Variants in BCL2L13 observed in about 807,000 individuals in gnomAD.
BCL2L13 encodes BCL2 like 13.
Under a neutral mutation model 25.8 loss-of-function variants are expected in BCL2L13, and 13 were observed. That is an observed-to-expected ratio of 0.50 (90% CI 0.33 to 0.80). The LOEUF (loss-of-function observed/expected upper bound fraction) is 0.80, where lower values mean the gene tolerates loss of function less well. BCL2L13 is among the 30% of genes least tolerant of loss of function. The pLI is 0.02. For synonymous variants in BCL2L13, 244 were observed against 230.3 expected, an observed-to-expected ratio of 1.06 and a Z score of -0.54; for missense variants, 504 against 574.9, an observed-to-expected ratio of 0.88 and a Z score of 1.26.
At chr22:17,725,683 G>C (rs1167420518) in intron 6 of BCL2L13, among the ~76,000 whole-genome samples, 2 of 151,794 alleles carry the variant, frequency 1.3e-5, no homozygotes, top group African/African-American at 4.8e-5. Context: ...CTGCTGTTTT[G>C]CATTAATTAC....
At chr22:17,721,304 A>G (rs2061121856) in intron 6 of BCL2L13, among the ~76,000 whole-genome samples, 2 of 152,206 alleles carry the variant, frequency 1.3e-5, no homozygotes, top group Admixed American at 6.5e-5. Context: ...AGTATCTACT[A>G]ATCTCATGTT....
At chr22:17,663,934 C>T (rs990378355) in intron 2 of BCL2L13, among the ~76,000 whole-genome samples, 3 of 152,038 alleles carry the variant, frequency 2.0e-5, no homozygotes, top group Non-Finnish European at 2.9e-5. Flanking sequence ...CTGCAACCTC[C>T]GCCTCCCGGG....
intron 2 of BCL2L13, among the ~76,000 whole-genome samples, chr22:17,663,843 C>T (rs1430175070): frequency 8.4e-5 from 12 of 143,490 alleles, no homozygotes; most frequent in South Asian, 2.2e-4. Context: ...CTTGCCACCA[C>T]GCCTGGCTAA....
chr22:17,706,712 C>G (rs2060601889), intron 6 of BCL2L13: 1 of 1,351,484 alleles, frequency 7.4e-7, no homozygotes, highest in African/African-American at 1.5e-5. Flanking sequence ...TGCTGTGATT[C>G]TCCCTGAGTC....
chr22:17,717,916 G>A (rs1291602675), intron 6 of BCL2L13, among the ~76,000 whole-genome samples: 2 of 152,104 alleles, frequency 1.3e-5, no homozygotes, highest in Non-Finnish European at 2.9e-5. Context: ...GCAAAACACT[G>A]TCTCTACAAA....
At chr22:17,694,614 A>G (rs1268102374) in intron 4 of BCL2L13, among the ~76,000 whole-genome samples, 1 of 152,024 alleles carries the variant, frequency 6.6e-6, no homozygotes, top group Non-Finnish European at 1.5e-5. Context: ...GCTATTTTAG[A>G]TTGTTTTTTC....
At chr22:17,711,351 G>A (rs970536750) in intron 6 of BCL2L13, among the ~76,000 whole-genome samples, 15 of 137,332 alleles carry the variant, frequency 1.1e-4, no homozygotes, top group African/African-American at 3.3e-4. Flanking sequence ...AGGCTGGAGC[G>A]CAGTGGCACA....
chr22:17,676,630 G>A (rs1484415767), intron 2 of BCL2L13, among the ~76,000 whole-genome samples: 1 of 152,206 alleles, frequency 6.6e-6, no homozygotes, highest in African/African-American at 2.4e-5. Flanking sequence ...CATGGGCCGT[G>A]AATTAATTTC....
intron 1 of BCL2L13, among the ~76,000 whole-genome samples, chr22:17,629,314 C>T (rs913126255): frequency 5.9e-5 from 9 of 152,122 alleles, no homozygotes; most frequent in Non-Finnish European, 2.9e-5. Flanking sequence ...CCTTTTTTAA[C>T]CCCCTTTCCA....
At chr22:17,644,236 T>A (rs530564013) in intron 1 of BCL2L13, among the ~76,000 whole-genome samples, 1 of 151,596 alleles carries the variant, frequency 6.6e-6, no homozygotes, top group East Asian at 1.9e-4. Flanking sequence ...TACAGCTTTT[T>A]GATTTGTGAT....
Position 17,720,940 on chromosome 22 carries a change from G to T in BCL2L13, c.601-5737G>T, listed in dbSNP as rs560780306. ...CCAGAACTTTAGGAGGCCGAGGCGG[G>T]TGGATCACGAGGTCAGGAGATCGAG... On this transcript the variant is annotated intron_variant, in intron 6 of 6. Coordinates refer to ENST00000317582, the MANE Select transcript of BCL2L13 (RefSeq NM_015367.4). Among the ~76,000 whole-genome samples, 3 of 152,100 alleles carry T rather than the reference G, an allele frequency of 2.0e-5. No individual in the cohort carries two copies. The South Asian group carries it at 6.2e-4, about 32-fold the overall frequency.
At chr22:17,716,254 C>G (rs1353256030) in intron 6 of BCL2L13, among the ~76,000 whole-genome samples, 1 of 152,128 alleles carries the variant, frequency 6.6e-6, no homozygotes, top group African/African-American at 2.4e-5. Context: ...AAACTGGGGT[C>G]CATAGATGTG....
chr22:17,652,688 C>A (rs1358539485), intron 1 of BCL2L13, among the ~76,000 whole-genome samples: 1 of 152,164 alleles, frequency 6.6e-6, no homozygotes, highest in East Asian at 1.9e-4. Flanking sequence ...ATCCACCCGC[C>A]TCAGCCTCCA....
At chr22:17,725,956 G>A (rs2145842689) in intron 6 of BCL2L13, among the ~76,000 whole-genome samples, 1 of 151,776 alleles carries the variant, frequency 6.6e-6, no homozygotes, top group Non-Finnish European at 1.5e-5. Context: ...AATATTTTGT[G>A]TGCATGAAGC....
Position 17,696,265 on chromosome 22 carries a change from C to T in BCL2L13, c.456+55C>T, listed in dbSNP as rs376057310. On this transcript the variant is annotated intron_variant, in intron 5 of 6. Transcript: ENST00000317582. Reference sequence around the variant, plus strand: ...AGATTTTAGTGTGTTAATGATAAGACGTAGGAGGAATTGCTAGCATCATCA... The same window carrying T: ...AGATTTTAGTGTGTTAATGATAAGATGTAGGAGGAATTGCTAGCATCATCA... 88 of 1,388,678 alleles carry T rather than the reference C, an allele frequency of 6.3e-5. No individual in the cohort carries two copies. In the African/African-American group the frequency reaches 8.9e-4, roughly 14 times the overall value. The allele number at this position is 1,388,678 out of a possible 1,614,324, so 86.0% of individuals were successfully genotyped here. A position where few individuals can be genotyped will look rare whatever the true frequency, so the allele number is the denominator to read the frequency against.
intron 6 of BCL2L13, among the ~76,000 whole-genome samples, chr22:17,716,850 T>C (rs1251128440): frequency 6.6e-6 from 1 of 152,258 alleles, no homozygotes; most frequent in Admixed American, 6.5e-5. Flanking sequence ...AGAGGTGCCA[T>C]ATTGTGGGAC....
At position 17,710,395 on chromosome 22, in the gene BCL2L13, T is replaced by C. The variant is rs191168664; in HGVS notation, c.600+8009T>C. On this transcript the variant is annotated intron_variant, in intron 6 of 6. Coordinates refer to ENST00000317582, the MANE Select transcript of BCL2L13 (RefSeq NM_015367.4). ...CAGGACTTTGAGACCAGCAACATGG[T>C]GAATCCCTGTCTCTACTAAAAATTA... is the stretch of plus-strand genomic sequence containing the variant. Among the ~76,000 whole-genome samples, 439 of 150,930 alleles carry C rather than the reference T, an allele frequency of 2.9e-3. 1 individual carries two copies. Among genetic ancestry groups the C allele is most frequent in the African/African-American group, 0.01 (413 of 41,014 alleles).
intron 6 of BCL2L13, among the ~76,000 whole-genome samples, chr22:17,707,574 C>T (rs1347508296): frequency 1.3e-5 from 2 of 152,096 alleles, no homozygotes; most frequent in East Asian, 1.9e-4. Context: ...TTGTCAGAAT[C>T]GTTCTAAGAC....
At chr22:17,667,020 T>C (rs1479895717) in intron 2 of BCL2L13, among the ~76,000 whole-genome samples, 2 of 152,176 alleles carry the variant, frequency 1.3e-5, no homozygotes, top group African/African-American at 2.4e-5. Context: ...TACCACATTT[T>C]CTTTATCCAT....
Sources: gnomAD v4.1 joint callset for allele counts (sites outside exome capture counted in the v4.1 genomes callset) on GRCh38, gnomAD v4.1.1 for gene constraint, MANE v1.5 for transcripts, NCBI Gene and HGNC (gene_info 2026-07-23, HGNC 2026-07-21) for gene names.